TNNI3K: variants seen among roughly 807,000 people sequenced by gnomAD.
The protein encoded by TNNI3K is serine/threonine-protein kinase TNNI3K.
A neutral mutation model predicts 114.5 loss-of-function variants in TNNI3K; 140 were observed. The observed-to-expected ratio is 1.22, with a 90% CI of 1.07 to 1.41. The LOEUF is 1.41. Among genes scored for constraint, TNNI3K ranks in the 40% most tolerant of loss-of-function variants. The pLI is 0.00. For synonymous variants in TNNI3K, 347 were observed against 347.5 expected (o/e 1.00, Z 0.02); for missense variants, 1,125 against 1,007.6 (o/e 1.12, Z -1.58).
At chr1:74,366,633 C>G (rs1050119015) in intron 11 of TNNI3K, 4 of 151,796 alleles carry the variant, frequency 2.6e-5, no homozygotes, top group Admixed American at 2.6e-4. Context: ...GCTCATATTC[C>G]CTTCATGAAA....
At chr1:74,514,291 A>T (rs12036473) in intron 23 of TNNI3K, among the ~76,000 whole-genome samples, 56,171 of 152,102 alleles carry the variant, frequency 0.37, 11,175 homozygotes, top group East Asian at 0.71. Context: ...AATTCTATGT[A>T]TTTGTCAGAG....
chr1:74,430,693 TACTC>T (rs1306175328), intron 17 of TNNI3K, among the ~76,000 whole-genome samples: 2 of 151,278 alleles, frequency 1.3e-5, no homozygotes, highest in African/African-American at 2.4e-5. Flanking sequence ...AAGAGATAAA[TACTC>T]ACTTCTGTTA....
chr1:74,251,914 A>C (rs1158081862), intron 4 of TNNI3K, among the ~76,000 whole-genome samples: 2 of 152,196 alleles, frequency 1.3e-5, no homozygotes, highest in Non-Finnish European at 2.9e-5. Flanking sequence ...TTAAGTGCTA[A>C]ATTGTCTTTA....
At chr1:74,536,549 G>A (rs1570755821) in intron 23 of TNNI3K, among the ~76,000 whole-genome samples, 1 of 151,682 alleles carries the variant, frequency 6.6e-6, no homozygotes, top group East Asian at 1.9e-4. Flanking sequence ...ATACATCATG[G>A]AGCTAATTTG....
chr1:74,540,257 G>T lies in TNNI3K; in HGVS notation c.2375G>T (p.Gly792Val), dbSNP rs760873460. 2 of 1,612,304 alleles carry T rather than the reference G, an allele frequency of 1.2e-6. No homozygotes were observed. The highest frequency in any genetic ancestry group is 1.1e-5 in the South Asian group (1 of 90,944). ...SQSAGQYSSQ[G>V]LSLEEMKRSL... ...AGTGCTGGACAATATTCCTCTCAAG[G>T]TCTGTCTTTGGAGGAGATGAAAAGA... Residue 792 changes from glycine to valine, a missense_variant, in exon 24 of 25, where the codon GGT (glycine) becomes GTT (valine). Transcript: ENST00000326637.
intron 23 of TNNI3K, among the ~76,000 whole-genome samples, chr1:74,533,412 T>A (rs936840121): frequency 6.7e-6 from 1 of 150,288 alleles, no homozygotes; most frequent in Non-Finnish European, 1.5e-5. Context: ...TCAGGAAACA[T>A]CAGGTGCTGG....
intron 4 of TNNI3K, among the ~76,000 whole-genome samples, chr1:74,262,668 C>T (rs1478509297): frequency 6.6e-6 from 1 of 151,956 alleles, no homozygotes; most frequent in Non-Finnish European, 1.5e-5. Flanking sequence ...AATTTTTACT[C>T]ATAAATTACA....
At position 74,353,898 on chromosome 1, in the gene TNNI3K, T is replaced by C. The variant is rs1196086566; in HGVS notation, c.1028-82T>C. The C allele has an allele frequency of 8.7e-6, 13 of 1,495,472 alleles. 1 individual carries two copies. The highest frequency in any genetic ancestry group is 5.6e-5 in the African/African-American group (4 of 71,382). The allele number at this position is 1,495,472 out of a possible 1,614,324, so 92.6% of individuals were successfully genotyped here. A position where few individuals can be genotyped will look rare whatever the true frequency, so the allele number is the denominator to read the frequency against. On this transcript the variant is annotated intron_variant, in intron 10 of 24. Transcript: ENST00000326637. ...CATACCTTTGGAAATAATGCTATTA[T>C]GTGGTGATGACTGTCTTTTGAAAAT...
intron 2 of TNNI3K, among the ~76,000 whole-genome samples, chr1:74,241,518 C>T (rs887915628): frequency 3.9e-5 from 6 of 152,206 alleles, no homozygotes; most frequent in Admixed American, 3.3e-4. Flanking sequence ...ATTTGCATTT[C>T]TCTGATGGCC....
At chr1:74,256,424 A>AT (rs1296932556) in intron 4 of TNNI3K, among the ~76,000 whole-genome samples, 1 of 148,090 alleles carries the variant, frequency 6.8e-6, no homozygotes, top group Admixed American at 6.9e-5. Flanking sequence ...GGCATCCTTT[A>AT]TTTTTTAATG....
chr1:74,245,183 G>T (rs1178218527), intron 2 of TNNI3K, among the ~76,000 whole-genome samples: 1 of 152,150 alleles, frequency 6.6e-6, no homozygotes, highest in Non-Finnish European at 1.5e-5. Flanking sequence ...TTGGAAAAAA[G>T]AATATAATCC....
chr1:74,304,264 G>A (rs990121024), intron 5 of TNNI3K, among the ~76,000 whole-genome samples: 1 of 152,090 alleles, frequency 6.6e-6, no homozygotes, highest in African/African-American at 2.4e-5. Context: ...AATCAATGTG[G>A]CAAACCTTAA....
chr1:74,268,746 A>G (rs551414729), intron 4 of TNNI3K, among the ~76,000 whole-genome samples: 2 of 151,978 alleles, frequency 1.3e-5, no homozygotes, highest in South Asian at 4.1e-4. Context: ...AGGGAGGCTA[A>G]TTCTATGACC....
Position 74,246,375 on chromosome 1 carries a change from G to A in TNNI3K, c.150-3084G>A, listed in dbSNP as rs978092456. 9.2e-5 allele frequency among the ~76,000 whole-genome samples: 14 copies of A among 152,338 alleles called. No individual in the cohort carries two copies. In the East Asian group the frequency reaches 2.3e-3, roughly 25 times the overall value. ...TCAAATAGTAGAGGTATTCAGCGGA[G>A]CTGAACTCTGCCTTTCAAGCTAGGT... On this transcript the variant is annotated intron_variant, in intron 2 of 24. Coordinates refer to ENST00000326637, the MANE Select transcript of TNNI3K (RefSeq NM_015978.3).
chr1:74,265,617 C>T (rs1405678076), intron 4 of TNNI3K, among the ~76,000 whole-genome samples: 4 of 151,912 alleles, frequency 2.6e-5, no homozygotes, highest in African/African-American at 9.7e-5. Context: ...AAGGAAATTA[C>T]CTATATGTAG....
chr1:74,287,165 A>G (rs919357322), intron 5 of TNNI3K, among the ~76,000 whole-genome samples: 1 of 152,156 alleles, frequency 6.6e-6, no homozygotes, highest in Non-Finnish European at 1.5e-5. Context: ...AATTACTCAG[A>G]TAAACAAAAA....
chr1:74,341,251 G>GA (rs1311624682), intron 7 of TNNI3K, among the ~76,000 whole-genome samples: 1 of 152,186 alleles, frequency 6.6e-6, no homozygotes, highest in Non-Finnish European at 1.5e-5. Context: ...GGTTATTTGA[G>GA]AGTATAGACT....
intron 2 of TNNI3K, among the ~76,000 whole-genome samples, chr1:74,242,043 G>C (rs1365666226): frequency 1.3e-5 from 2 of 151,834 alleles, no homozygotes; most frequent in African/African-American, 4.8e-5. Flanking sequence ...TAGAGACGGG[G>C]TTTCACTGTG....
At chr1:74,430,666 G>A (rs536104279) in intron 17 of TNNI3K, among the ~76,000 whole-genome samples, 2 of 152,228 alleles carry the variant, frequency 1.3e-5, no homozygotes, top group Admixed American at 6.5e-5. Context: ...AGTAATCTGT[G>A]AAAGACAGAC....
Sources: gnomAD v4.1 joint callset for allele counts (sites outside exome capture counted in the v4.1 genomes callset) on GRCh38, gnomAD v4.1.1 for gene constraint, MANE v1.5 for transcripts, NCBI Gene and HGNC (gene_info 2026-07-23, HGNC 2026-07-21) for gene names.